The following ROBO2 variants were observed in gnomAD, a reference collection of about 807,000 sequenced individuals.
The protein encoded by ROBO2 is roundabout homolog 2.
ROBO2 carries 53 observed loss-of-function variants against 160.8 expected under a neutral mutation model. The observed-to-expected ratio is 0.33, with a 90% confidence interval of 0.26 to 0.41. The LOEUF is 0.41. Among genes scored for constraint, ROBO2 ranks in the 10% least tolerant of loss-of-function variants. ROBO2 has a pLI of 1.00. For missense variants in ROBO2, 1,577 were observed against 1,722.4 expected (o/e 0.92, Z 1.49); for synonymous variants, 664 against 611.7 (o/e 1.09, Z -1.26).
chr3:76,935,314 T>C (rs7652729), intron 2 of ROBO2, among the ~76,000 whole-genome samples: 72,976 of 151,994 alleles, frequency 0.48, 18,381 homozygotes, highest in African/African-American at 0.64. Flanking sequence ...TGCCCTTTGC[T>C]CACGCTCCCT....
At chr3:76,744,911 C>T (rs763812883) in intron 2 of ROBO2, among the ~76,000 whole-genome samples, 2 of 152,062 alleles carry the variant, frequency 1.3e-5, no homozygotes, top group Non-Finnish European at 2.9e-5. Context: ...TATTTTTTCC[C>T]CTGAAAGTGT....
In ROBO2 at chr3:76,074,595, A is replaced by G. The variant is rs193010200; in HGVS notation, c.109+136993A>G. 1.8e-3 allele frequency among the ~76,000 whole-genome samples: 272 copies of G among 152,318 alleles called. 1 individual carries two copies. The highest frequency in any genetic ancestry group is 2.2e-3 in the Non-Finnish European group (151 of 68,014). On this transcript the variant is annotated intron_variant, in intron 2 of 26. Coordinates refer to the ROBO2 transcript ENST00000487694. ...AGGAAAAGTAGTTGATTATGAGTAA[A>G]AAGAAAGGAATTAAATGAAGTTAAA...
At chr3:76,715,339 C>T (rs958680817) in intron 2 of ROBO2, among the ~76,000 whole-genome samples, 1 of 152,062 alleles carries the variant, frequency 6.6e-6, no homozygotes, top group East Asian at 1.9e-4. Context: ...AAACAAAAAC[C>T]CTGTATGACT....
intron 2 of ROBO2, among the ~76,000 whole-genome samples, chr3:76,681,864 A>G (rs2092572423): frequency 6.6e-6 from 1 of 152,158 alleles, no homozygotes; most frequent in African/African-American, 2.4e-5. Flanking sequence ...GAGATAGGCA[A>G]GGGCTAGATT....
intron 2 of ROBO2, among the ~76,000 whole-genome samples, chr3:77,307,393 A>G (rs1010297423): frequency 2.6e-5 from 4 of 152,168 alleles, no homozygotes; most frequent in African/African-American, 9.7e-5. Context: ...TGGCTAAGGG[A>G]TTGCAAACAT....
At chr3:76,709,301 G>A (rs1403131156) in intron 2 of ROBO2, among the ~76,000 whole-genome samples, 2 of 152,198 alleles carry the variant, frequency 1.3e-5, no homozygotes, top group South Asian at 2.1e-4. Context: ...GCTCAACAAT[G>A]TCAGATTTAG....
intron 2 of ROBO2, among the ~76,000 whole-genome samples, chr3:77,364,518 G>T (rs955202615): frequency 6.6e-6 from 1 of 152,120 alleles, no homozygotes; most frequent in Admixed American, 6.6e-5. Context: ...GAAAGAGTCA[G>T]TAACAGGCAT....
intron 13 of ROBO2, among the ~76,000 whole-genome samples, chr3:77,571,905 A>G (rs1278702030): frequency 9.5e-6 from 1 of 105,128 alleles, no homozygotes; most frequent in Non-Finnish European, 2.1e-5. Context: ...TTTCGTCCTG[A>G]AAAAAAAAAA....
At chr3:76,699,018 T>G (rs2092991969) in intron 2 of ROBO2, among the ~76,000 whole-genome samples, 1 of 152,196 alleles carries the variant, frequency 6.6e-6, no homozygotes, top group African/African-American at 2.4e-5. Context: ...CTTATGGACA[T>G]CTTTCTGATT....
At chr3:76,650,138 A>T (rs983660853) in intron 2 of ROBO2, among the ~76,000 whole-genome samples, 13 of 152,304 alleles carry the variant, frequency 8.5e-5, no homozygotes, top group Admixed American at 4.6e-4. Context: ...CTGAGGTAAA[A>T]CAAAAACTAA....
At chr3:76,729,125 C>G (rs528702196) in intron 2 of ROBO2, among the ~76,000 whole-genome samples, 5 of 152,268 alleles carry the variant, frequency 3.3e-5, no homozygotes, top group African/African-American at 1.2e-4. Flanking sequence ...ATAACAGTCC[C>G]TGTCAGAGAT....
intron 2 of ROBO2, among the ~76,000 whole-genome samples, chr3:76,376,915 C>T (rs1310302272): frequency 6.6e-6 from 1 of 152,054 alleles, no homozygotes; most frequent in Non-Finnish European, 1.5e-5. Flanking sequence ...TCCTGGTCTT[C>T]TTGGTTCCAC....
intron 2 of ROBO2, among the ~76,000 whole-genome samples, chr3:76,029,239 T>A (rs1449132339): frequency 2.6e-5 from 4 of 151,974 alleles, no homozygotes; most frequent in African/African-American, 9.7e-5. Flanking sequence ...ACATGAAAAA[T>A]TAACAAAACT....
At chr3:77,623,836 C>A (rs2094950329) in intron 23 of ROBO2, among the ~76,000 whole-genome samples, 1 of 152,102 alleles carries the variant, frequency 6.6e-6, no homozygotes, top group Non-Finnish European at 1.5e-5. Flanking sequence ...TAACAAATTG[C>A]AATAATGATG....
chr3:77,174,344 C>CA (rs142122877), intron 2 of ROBO2, among the ~76,000 whole-genome samples: 2,631 of 143,172 alleles, frequency 0.018, 65 homozygotes, highest in African/African-American at 0.061. Flanking sequence ...ATCACTCATG[C>CA]AAAAAAAAAA....
chr3:76,322,164 GTATATATATATATATATATATATATA>G (rs200388202), intron 2 of ROBO2, among the ~76,000 whole-genome samples: 6 of 108,140 alleles, frequency 5.5e-5, no homozygotes, highest in South Asian at 3.1e-4. Flanking sequence ...TACTTCTTCC[GTATATATATATATATATATATATATA>G]TATATATATA....
chr3:76,231,492 T>C (rs1373390138), intron 2 of ROBO2, among the ~76,000 whole-genome samples: 1 of 152,182 alleles, frequency 6.6e-6, no homozygotes, highest in Non-Finnish European at 1.5e-5. Flanking sequence ...CATTTTTTCT[T>C]TGATGACTTT....
At chr3:75,909,077 C>T (rs559235246) in intron 1 of ROBO2, among the ~76,000 whole-genome samples, 12 of 152,216 alleles carry the variant, frequency 7.9e-5, no homozygotes, top group Admixed American at 3.9e-4. Flanking sequence ...GAGGTAGAAA[C>T]GGAATGCTCT....
intron 2 of ROBO2, chr3:77,317,191 CG>C: frequency 1.2e-6 from 1 of 866,444 alleles, no homozygotes. Flanking sequence ...TAGAGCACCC[CG>C]GATGGAAGGC....
Sources: gnomAD v4.1 joint callset for allele counts (sites outside exome capture counted in the v4.1 genomes callset) on GRCh38, gnomAD v4.1.1 for gene constraint, MANE v1.5 for transcripts, NCBI Gene and HGNC (gene_info 2026-07-23, HGNC 2026-07-21) for gene names.